PODXL2: variants seen among roughly 807,000 people sequenced by gnomAD.
The protein encoded by PODXL2 is podocalyxin like 2.
Under a neutral mutation model 53.4 loss-of-function variants are expected in PODXL2, and 17 were observed. The observed-to-expected ratio is 0.32, with a 90% CI of 0.22 to 0.48. The LOEUF is 0.48. Ranked by LOEUF, PODXL2 falls within the 20% of genes least tolerant of loss-of-function variation. The pLI, the probability that PODXL2 is intolerant of heterozygous loss-of-function variation, is 0.99. For missense variants in PODXL2, 673 were observed against 760.0 expected (o/e 0.89, Z 1.35); for synonymous variants, 311 against 306.7 (o/e 1.01, Z -0.15).
chr3:127,652,047 C>T (rs2074692667), intron 2 of PODXL2, among the ~76,000 whole-genome samples: 1 of 150,594 alleles, frequency 6.6e-6, no homozygotes, highest in Non-Finnish European at 1.5e-5. Context: ...TCAGCTTGCT[C>T]CTGTCCAGCA....
chr3:127,672,605 G>A lies in PODXL2; in HGVS notation c.*125G>A. 1 of 581,796 alleles carries A rather than the reference G, an allele frequency of 1.7e-6. No homozygotes were observed. The highest frequency in any genetic ancestry group is 2.8e-6 in the Non-Finnish European group (1 of 360,984). The allele number at this position is 581,796 out of a possible 1,614,324, so 36.0% of individuals were successfully genotyped here. A position where few individuals can be genotyped will look rare whatever the true frequency, so the allele number is the denominator to read the frequency against. ...CCGCCCCCGCGGCCTGGCCCTCGGC[G>A]CGGGCTCCTTCCCGCTTCCCCCGAC... On this transcript the variant is annotated 3_prime_UTR_variant, in exon 8 of 8. Transcript: ENST00000342480.
chr3:127,634,578 T>C (rs968991898), intron 1 of PODXL2, among the ~76,000 whole-genome samples: 13 of 149,860 alleles, frequency 8.7e-5, no homozygotes, highest in Middle Eastern at 3.4e-3. Flanking sequence ...AAAAAAAAAT[T>C]AGCTGGGCGT....
intron 1 of PODXL2, among the ~76,000 whole-genome samples, chr3:127,634,352 G>A (rs2074564957): frequency 6.6e-6 from 1 of 151,818 alleles, no homozygotes; most frequent in Admixed American, 6.6e-5. Flanking sequence ...TTGAACTCGG[G>A]AGGCGAAGGT....
chr3:127,651,749 A>G (rs1022577789), intron 2 of PODXL2, among the ~76,000 whole-genome samples: 2 of 152,142 alleles, frequency 1.3e-5, no homozygotes, highest in Non-Finnish European at 2.9e-5. Context: ...GAGAACATGG[A>G]GTGTGACAGA....
chr3:127,662,716 C>G (rs2074775494), intron 4 of PODXL2, among the ~76,000 whole-genome samples: 1 of 152,154 alleles, frequency 6.6e-6, no homozygotes, highest in African/African-American at 2.4e-5. Flanking sequence ...ATAGCTCTCT[C>G]TATCGAAAAA....
intron 4 of PODXL2, among the ~76,000 whole-genome samples, chr3:127,667,477 G>A (rs1187619956): frequency 2.0e-5 from 3 of 152,232 alleles, no homozygotes; most frequent in Non-Finnish European, 4.4e-5. Context: ...ATGTTCAGGA[G>A]GGAGAAGGCT....
At chr3:127,652,098 G>A (rs1250820494) in intron 2 of PODXL2, among the ~76,000 whole-genome samples, 1 of 152,234 alleles carries the variant, frequency 6.6e-6, no homozygotes, top group Non-Finnish European at 1.5e-5. Flanking sequence ...TGACCAGGAT[G>A]TGTCAAAAGA....
At chr3:127,639,569 G>A (rs1037894432) in intron 2 of PODXL2, 46 bp downstream of exon 2, 2 of 1,537,688 alleles carry the variant, frequency 1.3e-6, no homozygotes, top group African/African-American at 1.4e-5. Context: ...CCAGCCAAGT[G>A]TCTAGGCAAA....
intron 4 of PODXL2, chr3:127,665,971 G>A (rs2074793296): frequency 2.2e-6 from 1 of 464,308 alleles, no homozygotes; most frequent in Non-Finnish European, 4.3e-6. Flanking sequence ...TGGCTACTGG[G>A]GTGTCACTGC....
intron 6 of PODXL2, among the ~76,000 whole-genome samples, chr3:127,669,443 T>TG (rs375183115): frequency 0.015 from 476 of 30,870 alleles, 6 homozygotes; most frequent in South Asian, 0.075. Flanking sequence ...AAAGGGGCCA[T>TG]GGGGGTGTGG....
At chr3:127,671,173 C>A (rs1342865039) in intron 6 of PODXL2, among the ~76,000 whole-genome samples, 3 of 152,106 alleles carry the variant, frequency 2.0e-5, no homozygotes, top group African/African-American at 4.8e-5. Flanking sequence ...TCAGACTCAG[C>A]GGCTGGGGCA....
chr3:127,669,006 G>A (rs1050846570), intron 5 of PODXL2, 135 bp from the exon 6 acceptor site: 4 of 605,788 alleles, frequency 6.6e-6, no homozygotes, highest in Non-Finnish European at 1.2e-5. Context: ...CATGTGCCTT[G>A]AGGATCTGTG....
Position 127,671,585 on chromosome 3 carries a change from A to G in PODXL2, c.1577A>G (p.Gln526Arg). 1 of 1,613,900 alleles carries G rather than the reference A, an allele frequency of 6.2e-7. No individual in the cohort carries two copies. The highest frequency in any genetic ancestry group is 8.5e-7 in the Non-Finnish European group (1 of 1,180,006). The change falls in exon 7 of 8, where the codon CAG (glutamine) becomes CGG (arginine). Residue 526 changes from glutamine (Q) to arginine (R), a missense_variant. Coordinates refer to ENST00000342480, the MANE Select transcript of PODXL2 (RefSeq NM_015720.4). The stretch of plus-strand genomic sequence containing the variant: ...CTTGGCCTGCTCTACAACTGCTGGC[A>G]GCGCCGGCTGCCCAAGCTCAAGCAC... ...IALGLLYNCW[Q>R]RRLPKLKHVS... is the part of the protein sequence containing the mutation.
Position 127,660,682 on chromosome 3 carries a change from C to A in PODXL2, c.654C>A (p.Thr218=), listed in dbSNP as rs1295143784. 1.9e-6 allele frequency: 3 copies of A among 1,614,066 alleles called. No homozygotes were observed. Among genetic ancestry groups the A allele is most frequent in the Non-Finnish European group, 2.5e-6 (3 of 1,180,038 alleles). ...GCAGCAGCCAGACCCCAGGGGCCAC[C>A]AAAAGCAGGCATGAAGACTCCGGGG... is the stretch of plus-strand genomic sequence containing the variant. ...LTSSSQTPGA[T]KSRHEDSGDQ... The change falls in exon 3 of 8, where the codon ACC becomes ACA. Residue 218 remains threonine (T), a synonymous_variant. Coordinates refer to ENST00000342480, the MANE Select transcript of PODXL2 (RefSeq NM_015720.4).
At chr3:127,663,944 T>C (rs2074781650) in intron 4 of PODXL2, among the ~76,000 whole-genome samples, 1 of 152,250 alleles carries the variant, frequency 6.6e-6, no homozygotes, top group South Asian at 2.1e-4. Context: ...TATTCTAATA[T>C]GTGACCTCCA....
intron 3 of PODXL2, among the ~76,000 whole-genome samples, chr3:127,661,941 C>A (rs559786625): frequency 6.6e-6 from 1 of 152,180 alleles, no homozygotes; most frequent in Non-Finnish European, 1.5e-5. Context: ...TGAAAGCCAG[C>A]ATGTGGGGCA....
intron 1 of PODXL2, among the ~76,000 whole-genome samples, chr3:127,633,665 G>C (rs1160972710): frequency 6.6e-6 from 1 of 152,058 alleles, no homozygotes; most frequent in African/African-American, 2.4e-5. Flanking sequence ...GTTGTGCTAG[G>C]CACTGGAATT....
Position 127,660,743 on chromosome 3 carries a change from A to G in PODXL2, c.715A>G (p.Met239Val), listed in dbSNP as rs1166728428. Residue 239 changes from methionine (M) to valine (V), a missense_variant, in exon 3 of 8, where the codon ATG becomes GTG. Physicochemically the swap from Met to Val is conservative, Grantham distance 21. Around this residue, in one of 3 missense-constraint regions of PODXL2, gnomAD observed 588 missense variants for 668.3 expected, o/e 0.88. Transcript: ENST00000342480. Reference sequence around the variant, plus strand: ...ATCAGGTGTGGAGGTGGAGAGCAGCATGGGGCCCAGCTTGCTGCTGCCTTC... The same window carrying G: ...ATCAGGTGTGGAGGTGGAGAGCAGCGTGGGGCCCAGCTTGCTGCTGCCTTC... Reference protein sequence around the residue: ...ASSGVEVESSMGPSLLLPSVT... With the variant: ...ASSGVEVESSVGPSLLLPSVT... 1.2e-6 allele frequency: 2 copies of G among 1,614,050 alleles called. No homozygotes were observed. Among genetic ancestry groups the G allele is most frequent in the East Asian group, 2.2e-5 (1 of 44,894 alleles).
rs2074762845 is a variant in PODXL2 at position 127,660,867 on chromosome 3, A to C, written c.839A>C (p.Glu280Ala). The change falls in exon 3 of 8, where the codon GAG becomes GCG. Residue 280 changes from glutamate to alanine, a missense_variant. This residue lies in a region of PODXL2 where 588 missense variants were observed against 668.3 expected (regional missense o/e 0.88). Coordinates refer to ENST00000342480, the MANE Select transcript of PODXL2 (RefSeq NM_015720.4). ...GCTGCAGGGCTTGGGGTAGAGTTCG[A>C]GGCTCCTCAGGAAGCAAGCGAGGAA... ...LPAAGLGVEF[E>A]APQEASEEAT... 5 of 1,614,122 alleles carry C rather than the reference A, an allele frequency of 3.1e-6. No individual in the cohort carries two copies. In the African/African-American group the frequency reaches 5.3e-5, roughly 17 times the overall value.
Sources: allele counts gnomAD v4.1 joint callset (sites outside exome capture counted in the v4.1 genomes callset), GRCh38; gene constraint gnomAD v4.1.1; regional missense constraint gnomAD v4.1.1; transcripts MANE v1.5; gene names NCBI Gene and HGNC (gene_info 2026-07-23, HGNC 2026-07-21).